The following WAPL variants were observed in gnomAD, a reference collection of about 807,000 sequenced individuals.
The protein encoded by WAPL is wings apart-like protein homolog.
A neutral mutation model predicts 121.0 loss-of-function variants in WAPL; 5 were observed. The observed-to-expected ratio is 0.04, with a 90% CI of 0.02 to 0.09. The LOEUF is 0.09. Ranked by LOEUF, WAPL falls within the 10% of genes least tolerant of loss-of-function variation. WAPL has a pLI of 1.00. For missense variants in WAPL, 999 were observed against 1,410.8 expected (o/e 0.71, Z 4.68); for synonymous variants, 480 against 481.5 (o/e 1.00, Z 0.04).
chr10:86,471,019 T>A lies in WAPL; in HGVS notation c.2115A>T (p.Lys705Asn). 1 of 1,613,888 alleles carries A rather than the reference T, an allele frequency of 6.2e-7. No homozygotes were observed. The highest frequency in any genetic ancestry group is 8.5e-7 in the Non-Finnish European group (1 of 1,179,894). ...GATGGTGCTGGGAATCATCCAAGGTTTTAAAGACCATTGCTACCATCCCAT... is the reference window on the plus strand; with the variant it reads ...GATGGTGCTGGGAATCATCCAAGGTATTAAAGACCATTGCTACCATCCCAT... ...RAHGMVAMVF[K>N]TLDDSQHHQN... is the part of the protein sequence containing the mutation. Residue 705 changes from lysine (K) to asparagine (N), a missense_variant, in exon 8 of 19, where the codon AAA becomes AAT. By Grantham distance (94) the Lys-to-Asn change is moderately conservative. This residue lies in a region of WAPL where 118 missense variants were observed against 318.3 expected (regional missense o/e 0.37). Coordinates refer to ENST00000298767, the MANE Select transcript of WAPL (RefSeq NM_015045.5).
chr10:86,454,644 C>T (rs1460491610), intron 12 of WAPL, among the ~76,000 whole-genome samples: 1 of 152,238 alleles, frequency 6.6e-6, no homozygotes, highest in Non-Finnish European at 1.5e-5. Flanking sequence ...CAGCCTCTGC[C>T]CAGCCGCCAC....
chr10:86,478,689 T>A (rs1285345404), intron 4 of WAPL, among the ~76,000 whole-genome samples: 3 of 152,162 alleles, frequency 2.0e-5, no homozygotes, highest in Non-Finnish European at 2.9e-5. Context: ...ATGGGGCATT[T>A]CTTCATGAGA....
intron 2 of WAPL, among the ~76,000 whole-genome samples, chr10:86,515,719 T>A (rs560975855): frequency 1.3e-5 from 2 of 150,952 alleles, no homozygotes; most frequent in South Asian, 4.2e-4. Flanking sequence ...GAAGCGGAGG[T>A]TGCAGTGAGG....
chr10:86,447,950 A>G (rs959615081), intron 15 of WAPL, among the ~76,000 whole-genome samples: 2 of 152,152 alleles, frequency 1.3e-5, no homozygotes, highest in African/African-American at 2.4e-5. Flanking sequence ...TGGGAGGCTG[A>G]GGCAGGAGAA....
chr10:86,449,745 T>C (rs564152553), intron 15 of WAPL, among the ~76,000 whole-genome samples: 46 of 152,166 alleles, frequency 3.0e-4, no homozygotes, highest in Admixed American at 3.9e-4. Context: ...TAGGTTCCAT[T>C]TGAAGAAAAG....
chr10:86,496,615 A>ACACAATGGAATATTCTTTTTCACC (rs1387515375), intron 4 of WAPL, among the ~76,000 whole-genome samples: 1 of 152,178 alleles, frequency 6.6e-6, no homozygotes, highest in Non-Finnish European at 1.5e-5. Flanking sequence ...TATGTCTCAC[A>ACACAATGGAATATTCTTTTTCACC]CACAATGGAA....
intron 9 of WAPL, among the ~76,000 whole-genome samples, chr10:86,462,434 GGCCAGGT>G (rs1202120598): frequency 1.3e-5 from 2 of 152,002 alleles, no homozygotes; most frequent in Non-Finnish European, 2.9e-5. Context: ...AGTTGTTCTC[GGCCAGGT>G]GCGGTGGCTC....
chr10:86,513,367 C>T (rs1037011389), intron 2 of WAPL, among the ~76,000 whole-genome samples: 1 of 152,166 alleles, frequency 6.6e-6, no homozygotes, highest in Admixed American at 6.5e-5. Flanking sequence ...TGGAGTCTTG[C>T]TCTGTCACCC....
At position 86,500,091 on chromosome 10, in the gene WAPL, G is replaced by C. The variant is rs745869394; in HGVS notation, c.1152C>G (p.Phe384Leu). ...CCAAATCTGCAGGAGTGGATGCAGTGAACTCATCCATGCTGCGTTCCATAG... is the reference window on the plus strand; with the variant it reads ...CCAAATCTGCAGGAGTGGATGCAGTCAACTCATCCATGCTGCGTTCCATAG... ...QDTMERSMDE[F>L]TASTPADLGE... The change falls in exon 3 of 19, where the codon TTC becomes TTG. Residue 384 changes from phenylalanine to leucine, a missense_variant. Phe to Leu is a conservative substitution (Grantham distance 22). This residue lies in a region of WAPL where 531 missense variants were observed against 563.1 expected (regional missense o/e 0.94). Transcript: ENST00000298767. 15 of 1,614,018 alleles carry C rather than the reference G, an allele frequency of 9.3e-6. No individual in the cohort carries two copies. The African/African-American group carries it at 1.5e-4, about 16-fold the overall frequency.
At chr10:86,490,666 G>T (rs541656657) in intron 4 of WAPL, among the ~76,000 whole-genome samples, 1 of 152,146 alleles carries the variant, frequency 6.6e-6, no homozygotes, top group Non-Finnish European at 1.5e-5. Context: ...CAATTACAAA[G>T]AAATTAAAAT....
At chr10:86,443,537 C>A in intron 16 of WAPL, 174 bp from the exon 17 acceptor site, 5 of 496,766 alleles carry the variant, frequency 1.0e-5, no homozygotes, top group South Asian at 3.9e-5. Flanking sequence ...AATAGGGATC[C>A]AAAAGAAAAG....
Position 86,457,327 on chromosome 10 carries a change from T to TTAA in WAPL, c.2657+1661_2657+1662insTTA, listed in dbSNP as rs371813595. ...CAACATAGCAAGACCCTGTATCTAT[T>TTAA]AAAAAAAAAAAAAAAAAAGAGAGTG... On this transcript the variant is annotated intron_variant, in intron 12 of 18. Transcript: ENST00000298767. 4.5e-5 allele frequency among the ~76,000 whole-genome samples: 5 copies of TTAA among 111,198 alleles called. No homozygotes were observed. In the East Asian group the frequency reaches 9.7e-4, roughly 22 times the overall value. 73.0% of individuals were successfully genotyped at this position (111,198 alleles called of 152,430 possible). A position where few individuals can be genotyped will look rare whatever the true frequency, so the allele number is the denominator to read the frequency against.
At chr10:86,485,033 G>A (rs1403804653) in intron 4 of WAPL, among the ~76,000 whole-genome samples, 7 of 151,364 alleles carry the variant, frequency 4.6e-5, no homozygotes, top group Non-Finnish European at 7.4e-5. Context: ...GTGCTCACTC[G>A]TGCTCTCTCT....
In WAPL at chr10:86,500,455, A is replaced by G. The variant is rs370051136; in HGVS notation, c.788T>C (p.Met263Thr). ...TCGATTTTTAAAATCGTCATCCTTC[A>G]TCTCCAAAAGGGGATCACTATCCAA... ...LSLDSDPLLE[M>T]KDDDFKNRLE... is the part of the protein sequence containing the mutation. The change falls in exon 3 of 19, where the codon ATG (methionine) becomes ACG (threonine). Residue 263 changes from methionine to threonine, a missense_variant. By Grantham distance (81) the Met-to-Thr change is moderately conservative. Transcript: ENST00000298767. The G allele has an allele frequency of 8.1e-6, 13 of 1,614,060 alleles. No individual in the cohort carries two copies. The highest frequency in any genetic ancestry group is 2.7e-5 in the African/African-American group (2 of 74,934).
At chr10:86,461,364 T>G in intron 9 of WAPL, 77 bp from the exon 10 acceptor site, 2 of 1,091,126 alleles carry the variant, frequency 1.8e-6, no homozygotes, top group South Asian at 2.9e-5. Context: ...TACAAAAATT[T>G]ACTGCATGCT....
chr10:86,438,683 C>CA lies in WAPL; in HGVS notation c.3412-669dup, dbSNP rs554030980. Among the ~76,000 whole-genome samples, 248 of 152,278 alleles carry CA rather than the reference C, an allele frequency of 1.6e-3. 1 individual carries two copies. Among genetic ancestry groups the CA allele is most frequent in the African/African-American group, 5.5e-3 (230 of 41,554 alleles). On this transcript the variant is annotated intron_variant, in intron 17 of 18. Coordinates refer to ENST00000298767, the MANE Select transcript of WAPL (RefSeq NM_015045.5). ...GACTTTAGACCTGAGAATGTACTCA[C>CA]AAAGCTGCTCATGAAATAAAAAGAT... is the stretch of plus-strand genomic sequence containing the variant.
chr10:86,512,115 T>C (rs1842475428), intron 2 of WAPL, among the ~76,000 whole-genome samples: 1 of 152,166 alleles, frequency 6.6e-6, no homozygotes, highest in Non-Finnish European at 1.5e-5. Flanking sequence ...CTGTACTTTA[T>C]CCAATGACAA....
intron 4 of WAPL, among the ~76,000 whole-genome samples, chr10:86,489,945 C>A (rs1842008099): frequency 6.7e-6 from 1 of 149,268 alleles, no homozygotes. Context: ...TTTGGCTTGG[C>A]ACGGTGGGAG....
At chr10:86,496,610 C>T (rs182639757) in intron 4 of WAPL, among the ~76,000 whole-genome samples, 1 of 152,032 alleles carries the variant, frequency 6.6e-6, no homozygotes, top group African/African-American at 2.4e-5. Context: ...GTGTGTATGT[C>T]TCACACACAA....
Sources: gnomAD v4.1 joint callset for allele counts (sites outside exome capture counted in the v4.1 genomes callset) on GRCh38, gnomAD v4.1.1 for gene constraint, gnomAD v4.1.1 regional missense constraint, MANE v1.5 for transcripts, NCBI Gene and HGNC (gene_info 2026-07-23, HGNC 2026-07-21) for gene names.